TANK: variants seen among roughly 807,000 people sequenced by gnomAD.
TANK encodes the protein TRAF family member-associated NF-kappa-B activator.
In TANK, 15 loss-of-function variants were observed where a neutral mutation model predicts 43.6. That is an observed-to-expected ratio of 0.34 (90% CI 0.23 to 0.53). TANK has a LOEUF of 0.53. Ranked by LOEUF, TANK falls within the 20% of genes least tolerant of loss-of-function variation. TANK has a pLI of 0.94. For synonymous variants in TANK, 162 were observed against 178.2 expected (o/e 0.91, Z 0.73); for missense variants, 417 against 498.6 (o/e 0.84, Z 1.56).
chr2:161,230,241 C>T (rs1329835750), intron 6 of TANK, among the ~76,000 whole-genome samples: 1 of 152,164 alleles, frequency 6.6e-6, no homozygotes, highest in Non-Finnish European at 1.5e-5. Flanking sequence ...TTCTTTCTAG[C>T]TTTTGACTGT....
rs548864439 is a variant in TANK, at chr2:161,190,306, G to C, written c.99+10545G>C. On this transcript the variant is annotated intron_variant, in intron 2 of 7. Transcript: ENST00000392749. ...TGTTATTCAAAAAAGCAAAATAAGT[G>C]TTGGCAAGGATGTGTAGAAATTAGA... 2.6e-5 allele frequency among the ~76,000 whole-genome samples: 4 copies of C among 152,226 alleles called. No homozygotes were observed. The East Asian group carries it at 7.7e-4, about 29-fold the overall frequency.
At chr2:161,147,421 G>A (rs1266351018) in intron 1 of TANK, among the ~76,000 whole-genome samples, 3 of 49,414 alleles carry the variant, frequency 6.1e-5, no homozygotes, top group South Asian at 8.9e-4. Flanking sequence ...GTGCAACTCC[G>A]TGCTTGGGAG....
chr2:161,142,319 T>C (rs961721546), intron 1 of TANK, among the ~76,000 whole-genome samples: 6 of 152,162 alleles, frequency 3.9e-5, no homozygotes, highest in Non-Finnish European at 7.4e-5. Flanking sequence ...GCAGAAACTC[T>C]AGTTTAATTA....
chr2:161,182,186 A>C (rs1337130719), intron 2 of TANK, among the ~76,000 whole-genome samples: 1 of 152,086 alleles, frequency 6.6e-6, no homozygotes, highest in Admixed American at 6.5e-5. Flanking sequence ...AGAAGACTTG[A>C]CAATTGTGAC....
upstream of TANK, chr2:161,156,459 G>T: frequency 2.7e-6 from 2 of 753,780 alleles, no homozygotes; most frequent in African/African-American, 3.8e-5. Context: ...ATACAAAGCA[G>T]ATTCTCTCCA....
At chr2:161,164,618 T>A (rs533480262) in intron 1 of TANK, among the ~76,000 whole-genome samples, 54 of 152,334 alleles carry the variant, frequency 3.5e-4, no homozygotes, top group African/African-American at 1.2e-3. Context: ...ACTGTTCAAA[T>A]AAGTTGAGGG....
chr2:161,194,859 TC>T (rs1558988288), intron 2 of TANK, among the ~76,000 whole-genome samples: 2 of 152,096 alleles, frequency 1.3e-5, no homozygotes, highest in South Asian at 2.1e-4. Context: ...ATGTTTTTTT[TC>T]CCCCAACAAC....
At chr2:161,195,662 T>G (rs1686113002) in intron 2 of TANK, among the ~76,000 whole-genome samples, 1 of 152,062 alleles carries the variant, frequency 6.6e-6, no homozygotes, top group Non-Finnish European at 1.5e-5. Context: ...AGGGAAAAAG[T>G]ATGGAGTAAT....
chr2:161,183,915 G>T (rs2105305197), intron 2 of TANK, among the ~76,000 whole-genome samples: 1 of 152,064 alleles, frequency 6.6e-6, no homozygotes, highest in South Asian at 2.1e-4. Flanking sequence ...AAAAAAAGTA[G>T]TTATTACTAT....
intron 5 of TANK, 110 bp from the exon 6 acceptor site, chr2:161,224,521 C>A: frequency 2.1e-6 from 1 of 470,860 alleles, no homozygotes; most frequent in Non-Finnish European, 3.8e-6. Context: ...TTTTTTTTTA[C>A]TTTTAAATAA....
At chr2:161,220,794 T>G (rs1257310945) in intron 4 of TANK, among the ~76,000 whole-genome samples, 1 of 152,094 alleles carries the variant, frequency 6.6e-6, no homozygotes, top group East Asian at 1.9e-4. Flanking sequence ...TTAAGGAAAA[T>G]GTACATTTCT....
At chr2:161,174,421 T>C (rs1020092003) in intron 1 of TANK, among the ~76,000 whole-genome samples, 2 of 152,218 alleles carry the variant, frequency 1.3e-5, no homozygotes, top group Admixed American at 6.5e-5. Context: ...TAAAGTTTAC[T>C]CCTTGCTTCT....
In TANK at chr2:161,228,388, G is replaced by A. The variant is rs540341163; in HGVS notation, c.521-2583G>A. Reference sequence around the variant, plus strand: ...CTCTACTAAAAATACAAAATTAGCCGGGCGTGGTGACGCATGCCCGTAATC... The same window carrying A: ...CTCTACTAAAAATACAAAATTAGCCAGGCGTGGTGACGCATGCCCGTAATC... On this transcript the variant is annotated intron_variant, in intron 6 of 7. Coordinates refer to ENST00000392749, the MANE Select transcript of TANK (RefSeq NM_001199135.3). Among the ~76,000 whole-genome samples the A allele has an allele frequency of 1.2e-3, 180 of 152,124 alleles. 2 individuals carry two copies. Among genetic ancestry groups the A allele is most frequent in the Non-Finnish European group, 6.3e-4 (43 of 67,990 alleles).
chr2:161,224,074 C>A, intron 5 of TANK, 83 bp downstream of exon 5: 8 of 941,088 alleles, frequency 8.5e-6, no homozygotes, highest in Middle Eastern at 3.5e-4. Flanking sequence ...TAAGCTTTAA[C>A]AATTGCAAAA....
At chr2:161,166,419 GAGT>G (rs1684682128) in intron 1 of TANK, among the ~76,000 whole-genome samples, 1 of 152,214 alleles carries the variant, frequency 6.6e-6, no homozygotes, top group South Asian at 2.1e-4. Flanking sequence ...AAGTAAATGT[GAGT>G]AGTGACAGTT....
At chr2:161,187,041 G>T (rs1164424866) in intron 2 of TANK, among the ~76,000 whole-genome samples, 1 of 152,178 alleles carries the variant, frequency 6.6e-6, no homozygotes. Context: ...CTGGCAAAGA[G>T]GTGGAAAAGG....
At chr2:161,164,332 C>T (rs900343986) in intron 1 of TANK, among the ~76,000 whole-genome samples, 2 of 152,106 alleles carry the variant, frequency 1.3e-5, no homozygotes, top group Non-Finnish European at 1.5e-5. Flanking sequence ...TGTTCAGTTA[C>T]GTAAAGCCTA....
intron 4 of TANK, among the ~76,000 whole-genome samples, chr2:161,221,946 C>T (rs984964156): frequency 3.9e-5 from 6 of 152,104 alleles, no homozygotes; most frequent in Admixed American, 2.0e-4. Flanking sequence ...TCCTTTACCT[C>T]CTGCCAATAC....
intron 1 of TANK, among the ~76,000 whole-genome samples, chr2:161,146,931 T>A (rs1021500986): frequency 6.6e-6 from 1 of 152,112 alleles, no homozygotes; most frequent in South Asian, 2.1e-4. Flanking sequence ...AAGGAAAGAC[T>A]AAGTCTGCTG....
Sources: allele counts gnomAD v4.1 joint callset (sites outside exome capture counted in the v4.1 genomes callset), GRCh38; gene constraint gnomAD v4.1.1; transcripts MANE v1.5; gene names NCBI Gene and HGNC (gene_info 2026-07-23, HGNC 2026-07-21).